Variants in CEP170 observed in about 807,000 individuals in gnomAD.
The protein encoded by CEP170 is centrosomal protein 170.
In CEP170, 21 loss-of-function variants were observed where a neutral mutation model predicts 151.9. The observed-to-expected ratio is 0.14, with a 90% CI of 0.10 to 0.20. The LOEUF (loss-of-function observed/expected upper bound fraction) is 0.20. Among genes scored for constraint, CEP170 ranks in the 10% least tolerant of loss-of-function variants. The probability of loss-of-function intolerance (pLI) is 1.00; values close to 1 mark genes in which losing one functional copy is unlikely to be tolerated. For missense variants in CEP170, 964 were observed against 1,892.9 expected, an observed-to-expected ratio of 0.51 and a Z score of 9.11; for synonymous variants, 356 against 648.8, an observed-to-expected ratio of 0.55 and a Z score of 6.86.
At chr1:243,167,890 T>C (rs2058554829) in intron 12 of CEP170, among the ~76,000 whole-genome samples, 1 of 151,926 alleles carries the variant, frequency 6.6e-6, no homozygotes, top group Non-Finnish European at 1.5e-5. Context: ...CCCCTCCTCA[T>C]ATACATTCAA....
At chr1:243,200,003 G>A (rs1381795721) in intron 6 of CEP170, among the ~76,000 whole-genome samples, 2 of 151,954 alleles carry the variant, frequency 1.3e-5, no homozygotes, top group Non-Finnish European at 2.9e-5. Flanking sequence ...GGTTCAATTA[G>A]CTGCAGATGA....
At chr1:243,211,199 C>G (rs952528462) in intron 4 of CEP170, 2 of 151,612 alleles carry the variant, frequency 1.3e-5, no homozygotes, top group African/African-American at 4.9e-5. Flanking sequence ...TTCTTGCCTA[C>G]TATGAATGGA....
intron 10 of CEP170, among the ~76,000 whole-genome samples, 181 bp from the exon 11 acceptor site, chr1:243,173,027 G>A (rs956054880): frequency 4.0e-5 from 6 of 151,584 alleles, no homozygotes; most frequent in Non-Finnish European, 5.9e-5. Context: ...AGCTAGAAAC[G>A]AAAGCAGGCA....
At chr1:243,172,658 C>T (rs779521308) in intron 11 of CEP170, 39 bp downstream of exon 11, 6 of 1,466,470 alleles carry the variant, frequency 4.1e-6, no homozygotes, top group Non-Finnish European at 5.4e-6. Context: ...AGAATTTATA[C>T]TTTATGCATT....
rs567740124 is a variant in CEP170 at position 243,193,351 on chromosome 1, C to T, written c.632-1857G>A. On this transcript the variant is annotated intron_variant, in intron 7 of 19. Coordinates refer to ENST00000366542, the MANE Select transcript of CEP170 (RefSeq NM_014812.3). ...CTGGTTCATAAACCTGTCCTCTCTC[C>T]CTCCCCCCATATAGATATATACATA... Among the ~76,000 whole-genome samples, 27 of 151,796 alleles carry T rather than the reference C, an allele frequency of 1.8e-4. 1 individual carries two copies. In the South Asian group the frequency reaches 5.4e-3, roughly 30 times the overall value.
chr1:243,125,205 A>T lies in CEP170; in HGVS notation c.*1244T>A, dbSNP rs953226219. ...TATAGTGTTCTGGAAACACAAAGGT[A>T]ATTACTTTTCTTTTTAAAATTATCC... On this transcript the variant is annotated 3_prime_UTR_variant, in exon 20 of 20. Transcript: ENST00000366542. 4 of 152,284 alleles carry T rather than the reference A, an allele frequency of 2.6e-5. No homozygotes were observed. The highest frequency in any genetic ancestry group is 9.7e-5 in the African/African-American group (4 of 41,446). 9.4% of individuals were successfully genotyped at this position (152,284 alleles called of 1,614,324 possible). A position where few individuals can be genotyped will look rare whatever the true frequency, so the allele number is the denominator to read the frequency against.
At chr1:243,146,656 G>A (rs10754798) in intron 14 of CEP170, among the ~76,000 whole-genome samples, 15,155 of 150,196 alleles carry the variant, frequency 0.1, 970 homozygotes, top group Non-Finnish European at 0.13. Flanking sequence ...AGGTTTACAA[G>A]GCATGGGAAG....
At chr1:243,227,891 G>A (rs553286177) in intron 1 of CEP170, among the ~76,000 whole-genome samples, 226 of 152,310 alleles carry the variant, frequency 1.5e-3, no homozygotes, top group Non-Finnish European at 2.9e-3. Context: ...AAGGGAATAA[G>A]CCCTGGAGTC....
intron 4 of CEP170, among the ~76,000 whole-genome samples, chr1:243,209,423 C>T (rs1203186354): frequency 6.6e-6 from 1 of 151,970 alleles, no homozygotes; most frequent in Non-Finnish European, 1.5e-5. Context: ...CTGACCTCAA[C>T]TGATCTGCCC....
At chr1:243,143,301 T>C (rs2056092644) in intron 14 of CEP170, among the ~76,000 whole-genome samples, 1 of 152,172 alleles carries the variant, frequency 6.6e-6, no homozygotes, top group Non-Finnish European at 1.5e-5. Context: ...TGAGGTAGGA[T>C]TCATCTGACT....
intron 1 of CEP170, among the ~76,000 whole-genome samples, chr1:243,230,676 T>C (rs920413284): frequency 2.6e-5 from 4 of 152,230 alleles, no homozygotes; most frequent in African/African-American, 7.2e-5. Flanking sequence ...TCAGTGAACC[T>C]GAAGATAAGA....
chr1:243,159,763 T>TGTGTGTGTGTGTGTGTGTGTGTGTGTGTG (rs2057892319), intron 13 of CEP170, among the ~76,000 whole-genome samples: 2 of 127,162 alleles, frequency 1.6e-5, no homozygotes, highest in East Asian at 2.4e-4. Context: ...GTTTCCGGTT[T>TGTGTGTGTGTGTGTGTGTGTGTGTGTGTG]TGTGTGTGTG....
At chr1:243,235,611 G>A (rs2064181672) in intron 1 of CEP170, among the ~76,000 whole-genome samples, 1 of 150,858 alleles carries the variant, frequency 6.6e-6, no homozygotes, top group Admixed American at 6.6e-5. Flanking sequence ...TTTTGTGAAA[G>A]GCAATTAAAG....
intron 3 of CEP170, among the ~76,000 whole-genome samples, chr1:243,221,150 G>C (rs926609693): frequency 5.9e-5 from 9 of 151,944 alleles, no homozygotes; most frequent in Admixed American, 5.9e-4. Context: ...TCAGACTACC[G>C]AGTAGCTGGG....
intron 3 of CEP170, among the ~76,000 whole-genome samples, chr1:243,213,221 T>C (rs574120337): frequency 2.6e-5 from 4 of 152,250 alleles, no homozygotes; most frequent in Admixed American, 1.3e-4. Context: ...AGCACAGACC[T>C]ACGAGCATGA....
chr1:243,138,423 C>T (rs965176690), intron 16 of CEP170, among the ~76,000 whole-genome samples: 1 of 151,626 alleles, frequency 6.6e-6, no homozygotes, highest in Non-Finnish European at 1.5e-5. Context: ...TCTTTTTCTA[C>T]TCAGTACCAT....
At chr1:243,199,239 A>G (rs1294576236) in intron 6 of CEP170, 45 bp from the exon 7 acceptor site, 1 of 1,590,490 alleles carries the variant, frequency 6.3e-7, no homozygotes, top group Admixed American at 1.8e-5. Flanking sequence ...ATGAAACAGA[A>G]AAGAATACAC....
intron 1 of CEP170, chr1:243,254,239 C>T (rs1033826993): frequency 2.0e-5 from 3 of 151,402 alleles, no homozygotes; most frequent in Middle Eastern, 3.4e-3. Context: ...CGAAACACCA[C>T]CGAACAGAGA....
At chr1:243,235,192 CA>C (rs2064143793) in intron 1 of CEP170, among the ~76,000 whole-genome samples, 4 of 152,106 alleles carry the variant, frequency 2.6e-5, no homozygotes, top group Admixed American at 2.6e-4. Context: ...AAGAAAACCT[CA>C]GGGGCAGTGG....
Sources: allele counts gnomAD v4.1 joint callset (sites outside exome capture counted in the v4.1 genomes callset), GRCh38; gene constraint gnomAD v4.1.1; transcripts MANE v1.5; gene names NCBI Gene and HGNC (gene_info 2026-07-23, HGNC 2026-07-21).